Variants in MCM5 observed in about 807,000 individuals in gnomAD.
MCM5 encodes the protein DNA replication licensing factor MCM5.
Under a neutral mutation model 79.9 loss-of-function variants are expected in MCM5, and 46 were observed. The observed-to-expected ratio is 0.58, with a 90% CI of 0.45 to 0.74. MCM5 has a LOEUF of 0.74. Ranked by LOEUF, MCM5 falls within the 30% of genes least tolerant of loss-of-function variation. The pLI, the probability that MCM5 is intolerant of heterozygous loss-of-function variation, is 0.00. For synonymous variants in MCM5, 404 were observed against 390.5 expected, an observed-to-expected ratio of 1.03 and a Z score of -0.41; for missense variants, 883 against 1,017.0, an observed-to-expected ratio of 0.87 and a Z score of 1.79.
At chr22:35,421,751 C>A in intron 15 of MCM5, 1 of 459,108 alleles carries the variant, frequency 2.2e-6, no homozygotes, top group Non-Finnish European at 4.0e-6. Flanking sequence ...AGTTGATGCT[C>A]TGCTTCCTAG....
chr22:35,411,989 C>G (rs1932396231), intron 7 of MCM5, among the ~76,000 whole-genome samples: 1 of 152,132 alleles, frequency 6.6e-6, no homozygotes, highest in African/African-American at 2.4e-5. Context: ...GTGCTCTTTT[C>G]TCTCATCCCC....
At chr22:35,451,821 C>A in the MCM5 span, among the ~76,000 whole-genome samples, 3 of 152,170 alleles carry the variant, frequency 2.0e-5, no homozygotes, top group Non-Finnish European at 2.9e-5. Flanking sequence ...GCATGAGAGG[C>A]GGGGAAGCCC....
At chr22:35,443,305 C>G in the MCM5 span, among the ~76,000 whole-genome samples, 1 of 152,110 alleles carries the variant, frequency 6.6e-6, no homozygotes, top group Non-Finnish European at 1.5e-5. Context: ...TCCTACCTCA[C>G]CCTCCCCAGT....
intron 4 of MCM5, among the ~76,000 whole-genome samples, chr22:35,405,635 G>A (rs1932190394): frequency 6.6e-6 from 1 of 151,992 alleles, no homozygotes; most frequent in African/African-American, 2.4e-5. Context: ...CCAAAGTGTC[G>A]GTATTACAGG....
chr22:35,436,634 C>G, the MCM5 span, among the ~76,000 whole-genome samples: 2 of 152,176 alleles, frequency 1.3e-5, no homozygotes, highest in Non-Finnish European at 2.9e-5. Flanking sequence ...CCCCCCTTCA[C>G]TCTTGTGCAG....
At chr22:35,423,058 A>T in intron 15 of MCM5, 156 bp from the exon 16 acceptor site, 1 of 643,890 alleles carries the variant, frequency 1.6e-6, no homozygotes, top group Non-Finnish European at 2.5e-6. Context: ...CTGTCTCCTC[A>T]ATCAGGCCTG....
chr22:35,412,770 T>C (rs1257736834), intron 8 of MCM5, 89 bp downstream of exon 8: 2 of 1,149,796 alleles, frequency 1.7e-6, no homozygotes, highest in Admixed American at 7.3e-5. Flanking sequence ...GACTGGGCAC[T>C]CTTTTTTGTA....
At chr22:35,407,139 A>ATG (rs1383987819) in intron 5 of MCM5, among the ~76,000 whole-genome samples, 9 of 152,292 alleles carry the variant, frequency 5.9e-5, no homozygotes, top group African/African-American at 2.2e-4. Flanking sequence ...AAGGCAGGGT[A>ATG]TGTGGCCTCT....
In MCM5 at chr22:35,417,824, C is replaced by T; in HGVS notation, c.1671C>T (p.Ala557=). ...CTGTGGAGGGCGAGATTGACCTGGC[C>T]AAGCTGAAGAAGTTTATTGCCTACT... ...TQAVEGEIDL[A]KLKKFIAYCR... The change falls in exon 13 of 17, where the codon GCC becomes GCT. Residue 557 remains alanine, a synonymous_variant. Transcript: ENST00000216122. The T allele has an allele frequency of 6.2e-7, 1 of 1,614,132 alleles. No homozygotes were observed. The highest frequency in any genetic ancestry group is 8.5e-7 in the Non-Finnish European group (1 of 1,179,992).
intron 15 of MCM5, chr22:35,421,956 G>A (rs968273038): frequency 5.9e-5 from 15 of 254,208 alleles, no homozygotes; most frequent in South Asian, 5.2e-4. Flanking sequence ...CTAGGCCAGC[G>A]TTTTCCACAC....
chr22:35,430,687 T>G, the MCM5 span, among the ~76,000 whole-genome samples: 1 of 152,014 alleles, frequency 6.6e-6, no homozygotes, highest in Non-Finnish European at 1.5e-5. Context: ...TTGTTTTGTA[T>G]TTTTAGTAGA....
chr22:35,427,958 T>C (rs1343760386), downstream of MCM5, among the ~76,000 whole-genome samples: 3 of 151,426 alleles, frequency 2.0e-5, no homozygotes, highest in Non-Finnish European at 4.4e-5. Flanking sequence ...GAGAATCACT[T>C]GAGGCCAGGA....
chr22:35,431,010 A>C, the MCM5 span, among the ~76,000 whole-genome samples: 1 of 152,166 alleles, frequency 6.6e-6, no homozygotes, highest in Admixed American at 6.5e-5. Context: ...CCAGAGCACC[A>C]GGCCCGGGGC....
the MCM5 span, among the ~76,000 whole-genome samples, chr22:35,441,636 G>A: frequency 6.6e-6 from 1 of 152,154 alleles, no homozygotes; most frequent in African/African-American, 2.4e-5. Context: ...ATGGGCAGAG[G>A]TGAGGGATGG....
intron 9 of MCM5, among the ~76,000 whole-genome samples, chr22:35,415,605 G>A (rs1932517670): frequency 6.6e-6 from 1 of 152,236 alleles, no homozygotes; most frequent in Admixed American, 6.5e-5. Flanking sequence ...AGCCATGGAT[G>A]TGATGCCCTC....
chr22:35,400,599 A>G lies in MCM5; in HGVS notation c.161A>G (p.Lys54Arg). ...ACCGACCGCACGGGCTTCACCTTCAAATACAGGTGCGGCTCCTGCGGGGCC... is the reference window on the plus strand; with the variant it reads ...ACCGACCGCACGGGCTTCACCTTCAGATACAGGTGCGGCTCCTGCGGGGCC... ...VGTDRTGFTF[K>R]YRDELKRHYN... Residue 54 changes from lysine to arginine, a missense_variant, in exon 2 of 17, where the codon AAA becomes AGA. Lys to Arg is a conservative substitution (Grantham distance 26). This residue lies in a region of MCM5 where 455 missense variants were observed against 517.5 expected (regional missense o/e 0.88). Coordinates refer to ENST00000216122, the MANE Select transcript of MCM5 (RefSeq NM_006739.4). 1 of 1,606,822 alleles carries G rather than the reference A, an allele frequency of 6.2e-7. No homozygotes were observed. Among genetic ancestry groups the G allele is most frequent in the Non-Finnish European group, 8.5e-7 (1 of 1,175,474 alleles).
At chr22:35,454,290 G>C in the MCM5 span, among the ~76,000 whole-genome samples, 218 of 152,192 alleles carry the variant, frequency 1.4e-3, no homozygotes, top group African/African-American at 5.2e-3. Flanking sequence ...AGCTCCTGAT[G>C]GGTAAATATT....
At position 35,416,342 on chromosome 22, in the gene MCM5, C is replaced by G. The variant is rs1183355264; in HGVS notation, c.1351C>G (p.Arg451Gly). Residue 451 changes from arginine (R) to glycine (G), a missense_variant, in exon 11 of 17, where the codon CGA becomes GGA. Physicochemically the swap from Arg to Gly is moderately radical, Grantham distance 125. Coordinates refer to ENST00000216122, the MANE Select transcript of MCM5 (RefSeq NM_006739.4). ...VVCIDEFDKM[R>G]EDDRVAIHEA... ...TATTTCTCTCTTCCCCACTTAGATG[C>G]GAGAAGATGACCGTGTGGCAATCCA... 6.2e-7 allele frequency: 1 copy of G among 1,613,682 alleles called. No homozygotes were observed.
chr22:35,446,146 G>T, the MCM5 span, among the ~76,000 whole-genome samples: 1 of 152,232 alleles, frequency 6.6e-6, no homozygotes, highest in African/African-American at 2.4e-5. Context: ...AAAAAACTCA[G>T]CATAATGATG....
Sources: allele counts gnomAD v4.1 joint callset (sites outside exome capture counted in the v4.1 genomes callset), GRCh38; gene constraint gnomAD v4.1.1; regional missense constraint gnomAD v4.1.1; transcripts MANE v1.5; gene names NCBI Gene and HGNC (gene_info 2026-07-23, HGNC 2026-07-21).